Variants in MSH6 observed in about 807,000 individuals in gnomAD.
The protein encoded by MSH6 is DNA mismatch repair protein Msh6.
Under a neutral mutation model 119.1 loss-of-function variants are expected in MSH6, and 85 were observed. That is an observed-to-expected ratio of 0.71 (90% CI 0.60 to 0.85). The LOEUF (loss-of-function observed/expected upper bound fraction) is 0.85, where lower values mean the gene tolerates loss of function less well. Among genes scored for constraint, MSH6 ranks in the 40% least tolerant of loss-of-function variants. The pLI, the probability that MSH6 is intolerant of heterozygous loss-of-function variation, is 0.00. For synonymous variants in MSH6, 830 were observed against 586.9 expected (o/e 1.41, Z -5.99); for missense variants, 2,163 against 1,655.3 (o/e 1.31, Z -5.32).
Position 47,806,327 on chromosome 2 carries a change from C to T in MSH6, c.3770C>T (p.Ser1257Phe). ...TACCATTCATTAGTAGAAGATTATT[C>T]TCAAAATGTTGCTGTGCGCCTAGGA... ...THYHSLVEDY[S>F]QNVAVRLGHM... is the part of the protein sequence containing the mutation. Residue 1257 changes from serine (S) to phenylalanine (F), a missense_variant, in exon 8 of 10, where the codon TCT (serine) becomes TTT (phenylalanine). Ser to Phe is a radical substitution (Grantham distance 155). Transcript: ENST00000234420. The T allele has an allele frequency of 6.2e-7, 1 of 1,614,076 alleles. No homozygotes were observed. Among genetic ancestry groups the T allele is most frequent in the Non-Finnish European group, 8.5e-7 (1 of 1,179,988 alleles).
At chr2:47,783,601 T>TCCTCCGAGCCCA in intron 1 of MSH6, 108 bp downstream of exon 1, 2 of 1,169,614 alleles carry the variant, frequency 1.7e-6, no homozygotes, top group Non-Finnish European at 2.3e-6. Flanking sequence ...GGCCTGGCCC[T>TCCTCCGAGCCCA]GGGCTCGGAG....
chr2:47,785,564 A>G (rs1308382581), intron 1 of MSH6, among the ~76,000 whole-genome samples: 1 of 152,240 alleles, frequency 6.6e-6, no homozygotes, highest in Middle Eastern at 3.2e-3. Flanking sequence ...ATTTAAATCC[A>G]GTTTAAAGTG....
At chr2:47,796,628 C>G (rs1669111999) in intron 3 of MSH6, among the ~76,000 whole-genome samples, 1 of 152,136 alleles carries the variant, frequency 6.6e-6, no homozygotes, top group Admixed American at 6.6e-5. Flanking sequence ...GAAATACAAC[C>G]TTGGCTCAAA....
intron 1 of MSH6, among the ~76,000 whole-genome samples, chr2:47,785,510 G>A (rs1453812242): frequency 6.6e-6 from 1 of 152,188 alleles, no homozygotes; most frequent in Non-Finnish European, 1.5e-5. Flanking sequence ...GAGCCACCGT[G>A]CCCGGCCGCT....
chr2:47,807,615 AACT>A (rs1377195149), downstream of MSH6: 2 of 220,636 alleles, frequency 9.1e-6, no homozygotes, highest in Non-Finnish European at 1.8e-5. Context: ...ATTAAAAACA[AACT>A]ACATGAGATT....
chr2:47,784,808 G>C (rs1008289987), intron 1 of MSH6: 12 of 151,798 alleles, frequency 7.9e-5, no homozygotes, highest in African/African-American at 2.9e-4. Context: ...TGAAAAGCTT[G>C]CTTTTGCTGT....
downstream of MSH6, chr2:47,809,590 T>C (rs1670471341): frequency 1.9e-6 from 3 of 1,595,538 alleles, no homozygotes; most frequent in East Asian, 6.7e-5. Flanking sequence ...TATAGCAGAC[T>C]CCAACATACC....
downstream of MSH6, chr2:47,806,981 T>TG: frequency 1.3e-6 from 1 of 772,484 alleles, no homozygotes; most frequent in Non-Finnish European, 2.2e-6. Context: ...TTCTAGGAAA[T>TG]TAAACCCTTT....
intron 1 of MSH6, 65 bp from the exon 2 acceptor site, chr2:47,790,862 G>C (rs1195675960): frequency 1.4e-6 from 2 of 1,415,814 alleles, no homozygotes; most frequent in Non-Finnish European, 2.0e-6. Flanking sequence ...TTTATTTGTA[G>C]GTAACTGCCT....
At chr2:47,793,318 C>CTCAAAAAAAA (rs1441753856) in intron 2 of MSH6, among the ~76,000 whole-genome samples, 801 of 48,772 alleles carry the variant, frequency 0.016, 77 homozygotes, top group Admixed American at 0.019. Context: ...GAGACTGTCT[C>CTCAAAAAAAA]AAAAAAAAAA....
At chr2:47,784,130 C>T (rs1014537402) in intron 1 of MSH6, 1 of 1,004,784 alleles carries the variant, frequency 1.0e-6, no homozygotes, top group African/African-American at 1.7e-5. Context: ...AGGGGGTGGG[C>T]CACGAGCTGC....
chr2:47,793,455 C>T (rs1490194055), intron 2 of MSH6, among the ~76,000 whole-genome samples: 1 of 149,648 alleles, frequency 6.7e-6, no homozygotes, highest in African/African-American at 2.4e-5. Context: ...TGGTGAAACA[C>T]TGTCTCTACT....
intron 3 of MSH6, among the ~76,000 whole-genome samples, 185 bp from the exon 4 acceptor site, chr2:47,798,426 C>G (rs1311734688): frequency 6.6e-6 from 1 of 152,220 alleles, no homozygotes; most frequent in Non-Finnish European, 1.5e-5. Flanking sequence ...GATCATCTAA[C>G]ACAAAGCCTA....
At chr2:47,787,184 G>C (rs1179607119) in intron 1 of MSH6, among the ~76,000 whole-genome samples, 1 of 152,102 alleles carries the variant, frequency 6.6e-6, no homozygotes, top group East Asian at 1.9e-4. Flanking sequence ...AGCTTCTTGG[G>C]AGACTGAGAT....
intron 3 of MSH6, chr2:47,797,824 C>A: frequency 4.4e-6 from 1 of 226,630 alleles, no homozygotes; most frequent in Non-Finnish European, 9.2e-6. Context: ...AACTGGATCA[C>A]TTTGCCTGTC....
Position 47,806,637 on chromosome 2 carries a change from A to T in MSH6, c.3987A>T (p.Ser1329=), listed in dbSNP as rs1306342101. The change falls in exon 9 of 10, where the codon TCA becomes TCT. Residue 1329 remains serine, a synonymous_variant. Transcript: ENST00000234420. ...GAGAATTTGAGAAGATGAATCAGTC[A>T]CTACGATTATTTCGGTAACTAACTA... The part of the protein sequence containing the change: ...KAREFEKMNQ[S]LRLFREVCLA... 2 of 1,610,582 alleles carry T rather than the reference A, an allele frequency of 1.2e-6. No individual in the cohort carries two copies. The highest frequency in any genetic ancestry group is 1.7e-6 in the Non-Finnish European group (2 of 1,179,176).
At chr2:47,801,960 G>C (rs1043911267) in intron 4 of MSH6, among the ~76,000 whole-genome samples, 2 of 152,118 alleles carry the variant, frequency 1.3e-5, no homozygotes, top group Admixed American at 6.5e-5. Flanking sequence ...ATTTTTAAAT[G>C]TGTTATACTT....
intron 2 of MSH6, 133 bp downstream of exon 2, chr2:47,791,256 G>A (rs1668716000): frequency 1.2e-6 from 1 of 824,278 alleles, no homozygotes. Flanking sequence ...GCAAGGGGTG[G>A]CAGTTGTGAA....
Position 47,798,964 on chromosome 2 carries a change from T to G in MSH6, c.981T>G (p.Thr327=). 6.2e-7 allele frequency: 1 copy of G among 1,614,164 alleles called. No homozygotes were observed. The highest frequency in any genetic ancestry group is 8.5e-7 in the Non-Finnish European group (1 of 1,180,018). The change falls in exon 4 of 10, where the codon ACT becomes ACG. Residue 327 remains threonine (T), a synonymous_variant. Transcript: ENST00000234420. ...CGCCCTCAGCCACCAAACAAGCAAC[T>G]AGCATTTCATCAGAAACCAAGAATA... The part of the protein sequence containing the change: ...KETPSATKQA[T]SISSETKNTL...
Sources: gnomAD v4.1 joint callset for allele counts (sites outside exome capture counted in the v4.1 genomes callset) on GRCh38, gnomAD v4.1.1 for gene constraint, MANE v1.5 for transcripts, NCBI Gene and HGNC (gene_info 2026-07-23, HGNC 2026-07-21) for gene names.